The following IFT172 variants were observed in gnomAD, a reference collection of about 807,000 sequenced individuals.
The protein encoded by IFT172 is intraflagellar transport 172, also known as intraflagellar transport protein 172 homolog.
In IFT172, 164 loss-of-function variants were observed where a neutral mutation model predicts 248.9. That is an observed-to-expected ratio of 0.66 (90% confidence interval 0.58 to 0.75). The LOEUF is 0.75. Ranked by LOEUF, IFT172 falls within the 30% of genes least tolerant of loss-of-function variation. The pLI is 0.00. For missense variants in IFT172, 1,950 were observed against 2,192.4 expected (o/e 0.89, Z 2.21); for synonymous variants, 729 against 791.6 (o/e 0.92, Z 1.33).
chr2:27,488,326 G>T (rs935794177), intron 1 of IFT172, among the ~76,000 whole-genome samples: 17 of 151,782 alleles, frequency 1.1e-4, no homozygotes, highest in Non-Finnish European at 2.2e-4. Flanking sequence ...GCTAATTTTT[G>T]CATTTTTAGT....
chr2:27,488,847 C>G (rs146848155), intron 1 of IFT172, among the ~76,000 whole-genome samples: 333 of 152,204 alleles, frequency 2.2e-3, no homozygotes, highest in Non-Finnish European at 3.5e-3. Flanking sequence ...GGGGAAACCT[C>G]GTCTCTACAA....
chr2:27,477,280 T>G lies in IFT172; in HGVS notation c.1262A>C (p.Glu421Ala). 1 of 1,614,146 alleles carries G rather than the reference T, an allele frequency of 6.2e-7. No individual in the cohort carries two copies. The highest frequency in any genetic ancestry group is 1.7e-5 in the Admixed American group (1 of 60,016). The change falls in exon 13 of 48, where the codon GAA (glutamate) becomes GCA (alanine). Residue 421 changes from glutamate to alanine, a missense_variant. Physicochemically the swap from Glu to Ala is moderately radical, Grantham distance 107. Transcript: ENST00000260570. Reference protein sequence around the residue: ...IFNAGELTLVEYGNNDTLGSV... With the variant: ...IFNAGELTLVAYGNNDTLGSV... ...ACCCAGGGTGTCATTATTCCCATAT[T>G]CCACCAGGGTTAGCTCTCCGGCATT...
At chr2:27,461,641 C>A (rs921996505) in intron 21 of IFT172, 118 bp downstream of exon 21, 9 of 1,512,342 alleles carry the variant, frequency 6.0e-6, no homozygotes, top group Non-Finnish European at 8.2e-6. Context: ...TAACTCCTCA[C>A]CACATCAAGT....
chr2:27,460,991 G>A lies in IFT172; in HGVS notation c.2521+24C>T. The A allele has an allele frequency of 1.9e-6, 3 of 1,614,050 alleles. No homozygotes were observed. The South Asian group carries it at 3.3e-5, about 18-fold the overall frequency. Reference sequence around the variant, plus strand: ...ATGGGCAAGAGTCCACAACAGTAAAGGATGGCTTATAGGTGGCTAGTACCT... The same window carrying A: ...ATGGGCAAGAGTCCACAACAGTAAAAGATGGCTTATAGGTGGCTAGTACCT... On this transcript the variant is annotated intron_variant, in intron 23 of 47. Transcript: ENST00000260570.
In IFT172 at chr2:27,453,402, C is replaced by T. The variant is rs143011753; in HGVS notation, c.3933G>A (p.Ala1311=). The T allele has an allele frequency of 4.9e-5, 79 of 1,614,092 alleles. No homozygotes were observed. The highest frequency in any genetic ancestry group is 1.3e-4 in the African/African-American group (10 of 74,918). The change falls in exon 35 of 48, where the codon GCG becomes GCA. Residue 1311 remains alanine, a synonymous_variant. Transcript: ENST00000260570. ...TCCTCACCTTCATCCAGCACTTCTCCGCCAGGCCGCTGTTTCCAGAGTCTC... is the reference window on the plus strand; with the variant it reads ...TCCTCACCTTCATCCAGCACTTCTCTGCCAGGCCGCTGTTTCCAGAGTCTC... ...KVRDSGNSGL[A]EKCWMKAAEL... is the part of the protein sequence containing the mutation.
chr2:27,478,154 C>G lies in IFT172; in HGVS notation c.1008G>C (p.Val336=). 6.2e-7 allele frequency: 1 copy of G among 1,614,142 alleles called. No homozygotes were observed. The highest frequency in any genetic ancestry group is 8.5e-7 in the Non-Finnish European group (1 of 1,180,024). Residue 336 remains valine, a splice_region_variant and synonymous_variant, in exon 11 of 48, where the codon GTG becomes GTC. Transcript: ENST00000260570. ...TTCCTGATGACAGGTTCTTCACAAT[C>G]ACCTTGGTAAAGGACAAGTGTGAGC... ...FELTYVGPSQ[V]IVKNLSSGTR... is the part of the protein sequence containing the mutation.
intron 42 of IFT172, 135 bp from the exon 43 acceptor site, chr2:27,446,490 G>A: frequency 1.4e-6 from 1 of 704,706 alleles, no homozygotes; most frequent in African/African-American, 2.3e-5. Flanking sequence ...AAGCTGTTCT[G>A]GGTCTTAGTT....
chr2:27,488,621 G>C (rs1668935421), intron 1 of IFT172, among the ~76,000 whole-genome samples: 1 of 152,090 alleles, frequency 6.6e-6, no homozygotes, highest in African/African-American at 2.4e-5. Flanking sequence ...CTTTCCTCTT[G>C]TCTATCAATT....
At position 27,445,626 on chromosome 2, in the gene IFT172, T is replaced by C; in HGVS notation, c.4914+119A>G. The C allele has an allele frequency of 7.3e-7, 1 of 1,376,210 alleles. No individual in the cohort carries two copies. The highest frequency in any genetic ancestry group is 1.0e-6 in the Non-Finnish European group (1 of 1,000,152). The allele number at this position is 1,376,210 out of a possible 1,614,324, so 85.2% of individuals were successfully genotyped here. Reference sequence around the variant, plus strand: ...CTTTTCTTTCTATTTTGCTTCTACTTTCACTGAAAAAACAGTGAGGGCTGA... The same window carrying C: ...CTTTTCTTTCTATTTTGCTTCTACTCTCACTGAAAAAACAGTGAGGGCTGA... On this transcript the variant is annotated intron_variant, in intron 45 of 47. Coordinates refer to ENST00000260570, the MANE Select transcript of IFT172 (RefSeq NM_015662.3). This position sits in a 1 kb window ranked among gnomAD's most constrained non-coding sequence, Gnocchi z 4.4.
intron 1 of IFT172, among the ~76,000 whole-genome samples, chr2:27,486,868 A>G (rs1668799964): frequency 6.6e-6 from 1 of 152,172 alleles, no homozygotes; most frequent in Admixed American, 6.5e-5. Context: ...CAGCTTGCTG[A>G]GCAATGAGCA....
At chr2:27,484,501 G>A (rs1335433174) in intron 3 of IFT172, among the ~76,000 whole-genome samples, 1 of 152,148 alleles carries the variant, frequency 6.6e-6, no homozygotes, top group Non-Finnish European at 1.5e-5. Context: ...TGAGGCAGGA[G>A]AATTGCGTGA....
intron 7 of IFT172, among the ~76,000 whole-genome samples, chr2:27,482,046 C>T (rs1479540518): frequency 1.3e-5 from 2 of 150,972 alleles, no homozygotes; most frequent in East Asian, 1.9e-4. Context: ...TGCAGTGGCG[C>T]GTTCTCACCT....
chr2:27,444,615 C>A, intron 47 of IFT172, 94 bp from the exon 48 acceptor site: 1 of 904,752 alleles, frequency 1.1e-6, no homozygotes, highest in Non-Finnish European at 1.8e-6. Flanking sequence ...ATCTGCCTTC[C>A]TGTAATCCCA....
At chr2:27,455,382 C>T in intron 30 of IFT172, 1 of 264,098 alleles carries the variant, frequency 3.8e-6, no homozygotes, top group Non-Finnish European at 7.4e-6. Flanking sequence ...GTGATCAGCC[C>T]CAGATTTGAT....
At chr2:27,473,795 G>C (rs1404282874) in intron 14 of IFT172, among the ~76,000 whole-genome samples, 1 of 151,954 alleles carries the variant, frequency 6.6e-6, no homozygotes, top group Non-Finnish European at 1.5e-5. Context: ...GTTAAGAGAA[G>C]AACTTTTTTA....
chr2:27,474,898 G>A (rs560309572), intron 14 of IFT172, among the ~76,000 whole-genome samples: 1 of 152,000 alleles, frequency 6.6e-6, no homozygotes, highest in African/African-American at 2.4e-5. Flanking sequence ...CTATTTTAAA[G>A]TGAAATGTCT....
At chr2:27,470,817 A>G (rs1667508369) in intron 16 of IFT172, 111 bp downstream of exon 16, 2 of 1,056,222 alleles carry the variant, frequency 1.9e-6, no homozygotes, top group African/African-American at 1.6e-5. Context: ...CAATTCTATC[A>G]CAGAGATTAA....
chr2:27,454,245 G>C lies in IFT172; in HGVS notation c.3531-83C>G, dbSNP rs933279170. ...GGAGACAAACAGCCATGTCACTGAG[G>C]GGTGTAACACTGATTTGTTCTAGGT... On this transcript the variant is annotated intron_variant, in intron 32 of 47. Transcript: ENST00000260570. This position sits in a 1 kb window ranked among gnomAD's most constrained non-coding sequence, Gnocchi z 4.2. 3.8e-6 allele frequency: 6 copies of C among 1,596,000 alleles called. No homozygotes were observed. The African/African-American group carries it at 8.0e-5, about 21-fold the overall frequency.
Position 27,447,939 on chromosome 2 carries a change from G to C in IFT172, c.4429-17C>G. 3 of 1,459,606 alleles carry C rather than the reference G, an allele frequency of 2.1e-6. No homozygotes were observed. Among genetic ancestry groups the C allele is most frequent in the Non-Finnish European group, 2.9e-6 (3 of 1,039,070 alleles). The allele number at this position is 1,459,606 out of a possible 1,614,324, so 90.4% of individuals were successfully genotyped here. ...ATTGAAGTTCTAGAGGTAGAGGGAA[G>C]AAGGGGATCTGAGAAGGGCATAGCT... is the stretch of plus-strand genomic sequence containing the variant. On this transcript the variant is annotated splice_polypyrimidine_tract_variant and intron_variant, in intron 40 of 47. Transcript: ENST00000260570.
Sources: allele counts gnomAD v4.1 joint callset (sites outside exome capture counted in the v4.1 genomes callset), GRCh38; gene constraint gnomAD v4.1.1; non-coding constraint Gnocchi (gnomAD v3.1); transcripts MANE v1.5; gene names NCBI Gene and HGNC (gene_info 2026-07-23, HGNC 2026-07-21).